PALS1: variants seen among roughly 807,000 people sequenced by gnomAD.
PALS1 encodes the protein protein PALS1.
In PALS1, 31 loss-of-function variants were observed where a neutral mutation model predicts 78.9. That is an observed-to-expected ratio of 0.39 (90% CI 0.30 to 0.53). The LOEUF is 0.53. Ranked by LOEUF, PALS1 falls within the 20% of genes least tolerant of loss-of-function variation. The pLI is 0.67. For missense variants in PALS1, 704 were observed against 826.5 expected, an observed-to-expected ratio of 0.85 and a Z score of 1.82; for synonymous variants, 276 against 270.9, an observed-to-expected ratio of 1.02 and a Z score of -0.18.
chr14:67,290,965 G>T (rs932236522), intron 3 of PALS1, among the ~76,000 whole-genome samples: 1 of 152,076 alleles, frequency 6.6e-6, no homozygotes, highest in Non-Finnish European at 1.5e-5. Context: ...AAATAAAGTA[G>T]AAATTATAAA....
rs1413370018 is a variant in PALS1, at chr14:67,321,200, G to C, written c.1681G>C (p.Asp561His). ...GAAGAATTTGTATGGAACTAGCATA[G>C]ATTCTGTACGGCAAGTGATCAACTC... is the stretch of plus-strand genomic sequence containing the variant. ...FEKNLYGTSI[D>H]SVRQVINSGK... The change falls in exon 13 of 15, where the codon GAT becomes CAT. Residue 561 changes from aspartate to histidine, a missense_variant. Asp to His is a moderately conservative substitution (Grantham distance 81). Transcript: ENST00000261681. The C allele has an allele frequency of 6.2e-7, 1 of 1,614,100 alleles. No individual in the cohort carries two copies. Among genetic ancestry groups the C allele is most frequent in the African/African-American group, 1.3e-5 (1 of 74,928 alleles).
At chr14:67,301,322 C>A in intron 4 of PALS1, 67 bp from the exon 5 acceptor site, 1 of 855,960 alleles carries the variant, frequency 1.2e-6, no homozygotes. Flanking sequence ...AAAATATGAC[C>A]CTGCATACAG....
At chr14:67,290,277 G>A (rs949467655) in intron 3 of PALS1, among the ~76,000 whole-genome samples, 1 of 152,156 alleles carries the variant, frequency 6.6e-6, no homozygotes, top group Non-Finnish European at 1.5e-5. Context: ...GAAAGATCAG[G>A]TACTTGTCAT....
At chr14:67,260,253 CCTGATCTTGT>C (rs1204573805) in intron 1 of PALS1, among the ~76,000 whole-genome samples, 1 of 152,130 alleles carries the variant, frequency 6.6e-6, no homozygotes, top group African/African-American at 2.4e-5. Flanking sequence ...CCTGACTGTG[CCTGATCTTGT>C]CTGATCTTGG....
intron 1 of PALS1, among the ~76,000 whole-genome samples, chr14:67,262,043 C>T (rs1314662188): frequency 6.6e-6 from 1 of 152,116 alleles, no homozygotes; most frequent in Non-Finnish European, 1.5e-5. Flanking sequence ...ATTTACCCAT[C>T]TGAATTTTAG....
intron 2 of PALS1, among the ~76,000 whole-genome samples, chr14:67,273,087 T>C (rs1352475665): frequency 6.6e-6 from 1 of 150,722 alleles, no homozygotes. Flanking sequence ...CAGTCAGCCC[T>C]CTATGCTTCA....
At chr14:67,316,749 G>T in intron 9 of PALS1, 83 bp from the exon 10 acceptor site, 1 of 1,031,790 alleles carries the variant, frequency 9.7e-7, no homozygotes, top group South Asian at 1.6e-5. Flanking sequence ...GATATGTCTA[G>T]TGTTTTCCCT....
rs1418759178 is a variant in PALS1, at chr14:67,279,277, CTGT to C, written c.110_112del (p.Val37del). On this transcript the variant is annotated inframe_deletion, in exon 3 of 15. Transcript: ENST00000261681. ...GAACATCAGAAGCACCGAGAGATGG[CTGT>C]TGACTGCCCTGGAGATTTGGGCACC... 1.9e-6 allele frequency: 3 copies of C among 1,613,792 alleles called. No individual in the cohort carries two copies. The highest frequency in any genetic ancestry group is 2.5e-6 in the Non-Finnish European group (3 of 1,179,996).
chr14:67,312,813 T>G (rs1490768923), intron 9 of PALS1, 103 bp downstream of exon 9: 5 of 932,634 alleles, frequency 5.4e-6, no homozygotes, highest in Non-Finnish European at 7.4e-6. Context: ...TTTAATAAAG[T>G]ATTCCAGTTA....
intron 3 of PALS1, among the ~76,000 whole-genome samples, chr14:67,288,014 T>C (rs2140777505): frequency 6.6e-6 from 1 of 152,272 alleles, no homozygotes; most frequent in African/African-American, 2.4e-5. Context: ...TGCTTGTTGA[T>C]TTCAGTCAGT....
At chr14:67,324,499 T>C (rs1406990293) in intron 14 of PALS1, among the ~76,000 whole-genome samples, 1 of 152,244 alleles carries the variant, frequency 6.6e-6, no homozygotes, top group Non-Finnish European at 1.5e-5. Context: ...TTTCATTGAC[T>C]ATGCCTTTAA....
intron 2 of PALS1, among the ~76,000 whole-genome samples, chr14:67,278,670 A>G (rs1261431121): frequency 6.6e-6 from 1 of 152,210 alleles, no homozygotes; most frequent in African/African-American, 2.4e-5. Context: ...CTAAAAGATG[A>G]TTAAAACACC....
chr14:67,285,276 T>A (rs1460005775), intron 3 of PALS1, among the ~76,000 whole-genome samples: 1 of 152,114 alleles, frequency 6.6e-6, no homozygotes, highest in East Asian at 1.9e-4. Context: ...TGGGTATAGG[T>A]CCCTAGAAGC....
intron 5 of PALS1, 126 bp from the exon 6 acceptor site, chr14:67,301,846 T>A: frequency 1.9e-6 from 2 of 1,069,676 alleles, no homozygotes; most frequent in South Asian, 4.2e-5. Flanking sequence ...TCTTTATTAT[T>A]AGCTCTAATT....
At chr14:67,327,681 A>T (rs919718504) in intron 14 of PALS1, among the ~76,000 whole-genome samples, 150 of 150,012 alleles carry the variant, frequency 1.0e-3, no homozygotes, top group African/African-American at 3.5e-3. Flanking sequence ...GATGTTCCCC[A>T]CCCTGTGTCC....
At chr14:67,273,156 G>A (rs2084438188) in intron 2 of PALS1, among the ~76,000 whole-genome samples, 1 of 148,786 alleles carries the variant, frequency 6.7e-6, no homozygotes, top group Admixed American at 6.7e-5. Context: ...TAGGGTACAT[G>A]TGCACAACGT....
At chr14:67,323,237 G>GTA (rs202132761) in intron 13 of PALS1, among the ~76,000 whole-genome samples, 11,582 of 50,770 alleles carry the variant, frequency 0.23, 1,031 homozygotes, top group Middle Eastern at 0.3. Context: ...ATACACGTGT[G>GTA]TGTGTGTGTG....
intron 4 of PALS1, among the ~76,000 whole-genome samples, chr14:67,293,624 T>G (rs903007719): frequency 6.6e-6 from 1 of 152,164 alleles, no homozygotes; most frequent in African/African-American, 2.4e-5. Context: ...TTACGGAGAT[T>G]GAAATAACAT....
intron 1 of PALS1, among the ~76,000 whole-genome samples, chr14:67,253,795 T>A (rs185262092): frequency 6.6e-6 from 1 of 151,964 alleles, no homozygotes. Flanking sequence ...GAGCCATGTT[T>A]GTGCTGCTGC....
Sources: allele counts gnomAD v4.1 joint callset (sites outside exome capture counted in the v4.1 genomes callset), GRCh38; gene constraint gnomAD v4.1.1; transcripts MANE v1.5; gene names NCBI Gene and HGNC (gene_info 2026-07-23, HGNC 2026-07-21).